YTHDF1: variants seen among roughly 807,000 people sequenced by gnomAD.
YTHDF1 encodes the protein YTH N6-methyladenosine RNA binding protein F1, also known as YTH domain-containing family protein 1.
YTHDF1 carries 16 observed loss-of-function variants against 49.1 expected under a neutral mutation model. That is an observed-to-expected ratio of 0.33 (90% CI 0.22 to 0.49). The LOEUF (loss-of-function observed/expected upper bound fraction) is 0.49, where lower values mean the gene tolerates loss of function less well. Among genes scored for constraint, YTHDF1 ranks in the 20% least tolerant of loss-of-function variants. YTHDF1 has a pLI of 0.99. For missense variants in YTHDF1, 621 were observed against 744.3 expected, an observed-to-expected ratio of 0.83 and a Z score of 1.93; for synonymous variants, 313 against 290.1, an observed-to-expected ratio of 1.08 and a Z score of -0.80.
In YTHDF1 at chr20:63,196,108, T is replaced by C. The variant is rs1312963583; in HGVS notation, c.*600A>G. 6.7e-6 allele frequency: 1 copy of C among 148,544 alleles called. No individual in the cohort carries two copies. Among genetic ancestry groups the C allele is most frequent in the East Asian group, 1.9e-4 (1 of 5,134 alleles). 9.2% of individuals were successfully genotyped at this position (148,544 alleles called of 1,614,324 possible). A position where few individuals can be genotyped will look rare whatever the true frequency, so the allele number is the denominator to read the frequency against. ...GGGTGGCTGTTCAGTGGGCAACAGA[T>C]CTGGAAGGAAAGATTTTCAAAAAAA... On this transcript the variant is annotated 3_prime_UTR_variant, in exon 5 of 5. Transcript: ENST00000370339.
At chr20:63,211,999 ACACACAC>A (rs2066576820) in intron 3 of YTHDF1, among the ~76,000 whole-genome samples, 1 of 131,974 alleles carries the variant, frequency 7.6e-6, no homozygotes, top group Admixed American at 8.0e-5. Flanking sequence ...ACACACACAC[ACACACAC>A]ACTTTTAAGT....
At position 63,203,572 on chromosome 20, in the gene YTHDF1, A is replaced by G; in HGVS notation, c.368T>C (p.Phe123Ser). The part of the protein sequence containing the change: ...NNIYQHRFNF[F>S]PENPAFSAWG... ...TGCTGAGAACGCAGGGTTTTCAGGG[A>G]AAAAATTGAACCTGTGCTGATAGAT... The change falls in exon 4 of 5, where the codon TTC becomes TCC. Residue 123 changes from phenylalanine (F) to serine (S), a missense_variant. Phe to Ser is a radical substitution (Grantham distance 155). This residue lies in a region of YTHDF1 where 470 missense variants were observed against 495.8 expected (regional missense o/e 0.95). Transcript: ENST00000370339. This position sits in a 1 kb window ranked among gnomAD's most constrained non-coding sequence, Gnocchi z 4.4. 1 of 1,614,082 alleles carries G rather than the reference A, an allele frequency of 6.2e-7. No homozygotes were observed. Among genetic ancestry groups the G allele is most frequent in the Non-Finnish European group, 8.5e-7 (1 of 1,180,014 alleles).
At chr20:63,206,932 A>C (rs1403748452) in intron 3 of YTHDF1, among the ~76,000 whole-genome samples, 3 of 151,046 alleles carry the variant, frequency 2.0e-5, no homozygotes, top group Non-Finnish European at 4.4e-5. Flanking sequence ...TGTCCCATTC[A>C]CAGTCCTGGT....
At chr20:63,207,605 A>C (rs1229403697) in intron 3 of YTHDF1, among the ~76,000 whole-genome samples, 1 of 152,134 alleles carries the variant, frequency 6.6e-6, no homozygotes, top group Non-Finnish European at 1.5e-5. Flanking sequence ...CAAAACCATG[A>C]TCCTGTTACT....
At position 63,202,961 on chromosome 20, in the gene YTHDF1, G is replaced by A. The variant is rs756882709; in HGVS notation, c.979C>T (p.Arg327Cys). ...YQSPQQPPQTRWVAPRNRNAA... is the reference protein window; with the variant it reads ...YQSPQQPPQTCWVAPRNRNAA... ...TTTCTGTTGCGTGGGGCAACCCAGC[G>A]GGTCTGGGGTGGCTGCTGAGGGCTC... The change falls in exon 4 of 5, where the codon CGC becomes TGC. Residue 327 changes from arginine to cysteine, a missense_variant. Arg to Cys is a radical substitution (Grantham distance 180). Transcript: ENST00000370339. 10 of 1,613,826 alleles carry A rather than the reference G, an allele frequency of 6.2e-6. No individual in the cohort carries two copies. In the East Asian group the frequency reaches 1.3e-4, roughly 22 times the overall value.
In YTHDF1 at chr20:63,202,623, G is replaced by A. The variant is rs773058875; in HGVS notation, c.1317C>T (p.Ser439=). 3.1e-6 allele frequency: 5 copies of A among 1,613,798 alleles called. No individual in the cohort carries two copies. The highest frequency in any genetic ancestry group is 1.3e-5 in the African/African-American group (1 of 74,954). ...SSKGPVYLLF[S]VNGSGHFCGV... ...CACAAAAATGCCCACTCCCATTGAC[G>A]CTGAAGAGCAGGTAGACGGGCCCCT... Residue 439 remains serine (S), a synonymous_variant, in exon 4 of 5, where the codon AGC becomes AGT. Transcript: ENST00000370339.
chr20:63,196,703 C>T lies in YTHDF1; in HGVS notation c.*5G>A, dbSNP rs373068552. On this transcript the variant is annotated 3_prime_UTR_variant, in exon 5 of 5. Transcript: ENST00000370339. The stretch of plus-strand genomic sequence containing the variant: ...CGTTAGAACATGTAAGAAACTGGTT[C>T]GCCCTCATTGTTTGTTTCGACTCTG... 3 of 1,613,822 alleles carry T rather than the reference C, an allele frequency of 1.9e-6. No homozygotes were observed. Among genetic ancestry groups the T allele is most frequent in the Middle Eastern group, 1.6e-4 (1 of 6,084 alleles).
In YTHDF1 at chr20:63,203,937, A is replaced by G; in HGVS notation, c.133-130T>C. 3 of 846,404 alleles carry G rather than the reference A, an allele frequency of 3.5e-6. No individual in the cohort carries two copies. Among genetic ancestry groups the G allele is most frequent in the Admixed American group, 3.0e-5 (1 of 33,020 alleles). The allele number at this position is 846,404 out of a possible 1,614,324, so 52.4% of individuals were successfully genotyped here. A position where few individuals can be genotyped will look rare whatever the true frequency, so the allele number is the denominator to read the frequency against. The stretch of plus-strand genomic sequence containing the variant: ...ACAGCATGGGGCTACTCCTTCCAGA[A>G]AGAAAGCTGTAGTCGCCAATGTGAG... On this transcript the variant is annotated intron_variant, in intron 3 of 4. Coordinates refer to ENST00000370339, the MANE Select transcript of YTHDF1 (RefSeq NM_017798.4). The surrounding 1 kb of genome is among the most constrained non-coding windows in gnomAD (Gnocchi z 4.4).
chr20:63,213,474 C>T (rs914907443), intron 3 of YTHDF1, among the ~76,000 whole-genome samples: 3 of 152,176 alleles, frequency 2.0e-5, no homozygotes, highest in Admixed American at 6.5e-5. Context: ...GCTCCACAGT[C>T]GCTCCACAGC....
In YTHDF1 at chr20:63,215,652, G is replaced by A. The variant is rs116161732; in HGVS notation, c.28-51C>T. The stretch of plus-strand genomic sequence containing the variant: ...GGGTACACACAACCCGGGGGAAGAG[G>A]GAAACACAAAGTTATTCACCAGAGA... On this transcript the variant is annotated intron_variant, in intron 1 of 4. Coordinates refer to ENST00000370339, the MANE Select transcript of YTHDF1 (RefSeq NM_017798.4). 1,247 of 1,574,230 alleles carry A rather than the reference G, an allele frequency of 7.9e-4. 8 individuals are homozygous for A. The African/African-American group carries it at 0.016, about 20-fold the overall frequency.
chr20:63,214,646 T>A (rs1315131183), intron 2 of YTHDF1, among the ~76,000 whole-genome samples: 1 of 152,136 alleles, frequency 6.6e-6, no homozygotes, highest in Non-Finnish European at 1.5e-5. Context: ...CATAGGTAGA[T>A]AAGAGACAAA....
intron 2 of YTHDF1, 35 bp downstream of exon 2, chr20:63,215,542 C>A (rs775817709): frequency 5.0e-6 from 8 of 1,613,602 alleles, no homozygotes; most frequent in Non-Finnish European, 5.9e-6. Context: ...CTCCTCCACT[C>A]CAGCCCGCGC....
chr20:63,201,785 C>CCAGA (rs2066518507), intron 4 of YTHDF1, among the ~76,000 whole-genome samples: 1 of 152,192 alleles, frequency 6.6e-6, no homozygotes, highest in Non-Finnish European at 1.5e-5. Context: ...AGATCAAAGA[C>CCAGA]CAGAGATTCC....
Position 63,202,206 on chromosome 20 carries a change from T to G in YTHDF1, c.1653+81A>C, listed in dbSNP as rs1039480097. ...CTCAGCTCGGCGGACCTGCCGCATC[T>G]GCTCACCACCGGGCCACCTGGTCTA... On this transcript the variant is annotated intron_variant, in intron 4 of 4. Transcript: ENST00000370339. 2.6e-6 allele frequency: 4 copies of G among 1,514,378 alleles called. No homozygotes were observed. In the East Asian group the frequency reaches 6.8e-5, roughly 26 times the overall value. 93.8% of individuals were successfully genotyped at this position (1,514,378 alleles called of 1,614,324 possible). A position where few individuals can be genotyped will look rare whatever the true frequency, so the allele number is the denominator to read the frequency against.
At chr20:63,206,701 G>A (rs2066548113) in intron 3 of YTHDF1, among the ~76,000 whole-genome samples, 2 of 152,216 alleles carry the variant, frequency 1.3e-5, no homozygotes, top group South Asian at 2.1e-4. Context: ...GGTTCTGTGG[G>A]CCGGATTTCC....
At chr20:63,197,231 G>A (rs2066496272) in intron 4 of YTHDF1, among the ~76,000 whole-genome samples, 1 of 152,216 alleles carries the variant, frequency 6.6e-6, no homozygotes, top group South Asian at 2.1e-4. Flanking sequence ...ACAAGGTGCT[G>A]TGTCATGTGG....
rs138475410 is a variant in YTHDF1 at position 63,205,708 on chromosome 20, C to T, written c.133-1901G>A. ...ATTTTTAGTAGAGACAGGATTTCATCATCTTTGCCAGGCTGGTCTCGAACT... is the reference window on the plus strand; with the variant it reads ...ATTTTTAGTAGAGACAGGATTTCATTATCTTTGCCAGGCTGGTCTCGAACT... On this transcript the variant is annotated intron_variant, in intron 3 of 4. Coordinates refer to ENST00000370339, the MANE Select transcript of YTHDF1 (RefSeq NM_017798.4). Among the ~76,000 whole-genome samples, 247 of 152,252 alleles carry T rather than the reference C, an allele frequency of 1.6e-3. 2 individuals are homozygous for T. Among genetic ancestry groups the T allele is most frequent in the African/African-American group, 5.7e-3 (236 of 41,542 alleles).
rs78381845 is a variant in YTHDF1 at position 63,215,064 on chromosome 20, G to A, written c.52+513C>T. On this transcript the variant is annotated intron_variant, in intron 2 of 4. Coordinates refer to ENST00000370339, the MANE Select transcript of YTHDF1 (RefSeq NM_017798.4). Reference sequence around the variant, plus strand: ...TACACCTGAGCTGACACACAAACTGGCTAAAAAAGTGTTCCAAGTAAACGT... The same window carrying A: ...TACACCTGAGCTGACACACAAACTGACTAAAAAAGTGTTCCAAGTAAACGT... Among the ~76,000 whole-genome samples the A allele has an allele frequency of 3.6e-3, 550 of 152,306 alleles. 2 individuals are homozygous for A. Among genetic ancestry groups the A allele is most frequent in the African/African-American group, 0.013 (531 of 41,550 alleles).
chr20:63,196,823 G>C lies in YTHDF1; in HGVS notation c.1654-89C>G, dbSNP rs188246611. The C allele has an allele frequency of 7.5e-4, 1,145 of 1,516,706 alleles. 2 individuals carry two copies. Among genetic ancestry groups the C allele is most frequent in the Non-Finnish European group, 8.5e-4 (939 of 1,104,184 alleles). 94.0% of individuals were successfully genotyped at this position (1,516,706 alleles called of 1,614,324 possible). A position where few individuals can be genotyped will look rare whatever the true frequency, so the allele number is the denominator to read the frequency against. ...TGAGATCCGAGGCTGCCCCTTAGCA[G>C]CACCTGCAAATCTGGAGGCGGGACC... On this transcript the variant is annotated intron_variant, in intron 4 of 4. Coordinates refer to ENST00000370339, the MANE Select transcript of YTHDF1 (RefSeq NM_017798.4).
Sources: gnomAD v4.1 joint callset for allele counts (sites outside exome capture counted in the v4.1 genomes callset) on GRCh38, gnomAD v4.1.1 for gene constraint, gnomAD v4.1.1 regional missense constraint, Gnocchi (gnomAD v3.1) non-coding constraint, MANE v1.5 for transcripts, NCBI Gene and HGNC (gene_info 2026-07-23, HGNC 2026-07-21) for gene names.